CYFIP2: variants seen among roughly 807,000 people sequenced by gnomAD.
The protein encoded by CYFIP2 is cytoplasmic FMR1-interacting protein 2.
In CYFIP2, 29 loss-of-function variants were observed where a neutral mutation model predicts 158.7. The ratio of observed to expected loss-of-function variants is 0.18; its 90% CI spans 0.14 to 0.25. The LOEUF (loss-of-function observed/expected upper bound fraction) is 0.25. Ranked by LOEUF, CYFIP2 falls within the 10% of genes least tolerant of loss-of-function variation. The pLI is 1.00. For missense variants in CYFIP2, 852 were observed against 1,639.5 expected (o/e 0.52, Z 8.29); for synonymous variants, 585 against 617.6 (o/e 0.95, Z 0.78).
intron 13 of CYFIP2, 90 bp downstream of exon 13, chr5:157,315,184 G>T (rs1760039281): frequency 6.6e-7 from 1 of 1,507,706 alleles, no homozygotes; most frequent in African/African-American, 1.4e-5. Flanking sequence ...AACAGCATCG[G>T]TTGCCCTAAT....
At chr5:157,384,289 C>T (rs1239171197) in intron 28 of CYFIP2, 1 of 456,760 alleles carries the variant, frequency 2.2e-6, no homozygotes, top group East Asian at 6.9e-5. Flanking sequence ...AAGGCATGTG[C>T]TATCTCCTTT....
chr5:157,267,246 TC>T (rs1372252025), intron 1 of CYFIP2, among the ~76,000 whole-genome samples: 1 of 152,220 alleles, frequency 6.6e-6, no homozygotes, highest in African/African-American at 2.4e-5. Flanking sequence ...TTCTGCTAGT[TC>T]CTGGGTGCCT....
Position 157,304,643 on chromosome 5 carries a change from T to C in CYFIP2, c.795+277T>C, listed in dbSNP as rs560331131. On this transcript the variant is annotated intron_variant, in intron 8 of 30. Coordinates refer to ENST00000620254, the MANE Select transcript of CYFIP2 (RefSeq NM_001037333.3). The stretch of plus-strand genomic sequence containing the variant: ...TTGTCATGTAACATATCCCCTGTGG[T>C]TGGATATTTGTTTGCTAAACTTCAT... 16 of 202,214 alleles carry C rather than the reference T, an allele frequency of 7.9e-5. No homozygotes were observed. In the South Asian group the frequency reaches 3.4e-3, roughly 43 times the overall value. The allele number at this position is 202,214 out of a possible 1,614,324, so 12.5% of individuals were successfully genotyped here. A position where few individuals can be genotyped will look rare whatever the true frequency, so the allele number is the denominator to read the frequency against.
chr5:157,321,560 T>C (rs1380568032), intron 15 of CYFIP2, among the ~76,000 whole-genome samples: 1 of 152,186 alleles, frequency 6.6e-6, no homozygotes, highest in Non-Finnish European at 1.5e-5. Context: ...GGATAGGTAG[T>C]TTCTGGTAAT....
intron 23 of CYFIP2, among the ~76,000 whole-genome samples, chr5:157,344,769 G>A (rs1274918655): frequency 6.6e-6 from 1 of 152,176 alleles, no homozygotes; most frequent in Non-Finnish European, 1.5e-5. Context: ...CAGTGACATA[G>A]TAAACAGCTG....
chr5:157,351,049 C>G (rs563875774), intron 23 of CYFIP2, among the ~76,000 whole-genome samples: 1 of 152,026 alleles, frequency 6.6e-6, no homozygotes, highest in East Asian at 1.9e-4. Context: ...ATTTCTTTCT[C>G]TTGTCTTACT....
At chr5:157,304,101 C>A in intron 7 of CYFIP2, 137 bp from the exon 8 acceptor site, 1 of 1,108,254 alleles carries the variant, frequency 9.0e-7, no homozygotes, top group African/African-American at 1.6e-5. Context: ...AGCTGGCATG[C>A]AGCCTCGCCT....
chr5:157,297,230 C>T (rs57169290), intron 5 of CYFIP2, among the ~76,000 whole-genome samples: 1,753 of 152,198 alleles, frequency 0.012, 38 homozygotes, highest in African/African-American at 0.039. Context: ...AGGCTGAGGC[C>T]GGAAGGAGCT....
At chr5:157,392,625 T>G (rs557018929) in intron 30 of CYFIP2, among the ~76,000 whole-genome samples, 20 of 152,350 alleles carry the variant, frequency 1.3e-4, no homozygotes, top group Non-Finnish European at 2.5e-4. Flanking sequence ...TTATTGTAGC[T>G]CTGTAGATCG....
At chr5:157,318,813 G>T (rs913448851) in intron 13 of CYFIP2, among the ~76,000 whole-genome samples, 2 of 152,160 alleles carry the variant, frequency 1.3e-5, no homozygotes, top group Non-Finnish European at 2.9e-5. Flanking sequence ...TGAGGTGGAC[G>T]ATCTGCCACA....
intron 20 of CYFIP2, among the ~76,000 whole-genome samples, chr5:157,332,417 G>C (rs939491534): frequency 6.6e-6 from 1 of 152,140 alleles, no homozygotes; most frequent in African/African-American, 2.4e-5. Flanking sequence ...TTAACTATTT[G>C]AGAGTTTAAG....
chr5:157,359,260 T>C, intron 24 of CYFIP2, 112 bp downstream of exon 24: 2 of 1,264,790 alleles, frequency 1.6e-6, no homozygotes, highest in Non-Finnish European at 2.2e-6. Flanking sequence ...GCACTGCAGC[T>C]CTACCTGTAG....
chr5:157,306,674 A>G (rs555463214), intron 8 of CYFIP2, among the ~76,000 whole-genome samples: 11 of 152,238 alleles, frequency 7.2e-5, no homozygotes, highest in South Asian at 2.1e-4. Flanking sequence ...TGAGCCCAAG[A>G]GTTTGAGACC....
At chr5:157,288,905 C>T (rs1454579374) in intron 3 of CYFIP2, among the ~76,000 whole-genome samples, 3 of 152,136 alleles carry the variant, frequency 2.0e-5, no homozygotes, top group African/African-American at 7.2e-5. Flanking sequence ...TCAGAGAAAG[C>T]TTGATGTAGG....
intron 21 of CYFIP2, among the ~76,000 whole-genome samples, chr5:157,337,099 T>G (rs903299994): frequency 6.6e-6 from 1 of 152,208 alleles, no homozygotes; most frequent in African/African-American, 2.4e-5. Flanking sequence ...CTCAGTGATC[T>G]TAGAAATAAA....
rs1174417313 is a variant in CYFIP2 at position 157,326,215 on chromosome 5, A to G, written c.2027A>G (p.Tyr676Cys). The G allele has an allele frequency of 6.2e-7, 1 of 1,614,014 alleles. No individual in the cohort carries two copies. The highest frequency in any genetic ancestry group is 1.1e-5 in the South Asian group (1 of 91,086). Residue 676 changes from tyrosine to cysteine, a missense_variant, in exon 18 of 31, where the codon TAT becomes TGT. Around this residue, in one of 8 missense-constraint regions of CYFIP2, gnomAD observed 167 missense variants for 343.3 expected, o/e 0.49. Coordinates refer to ENST00000620254, the MANE Select transcript of CYFIP2 (RefSeq NM_001037333.3). ...PLDLYNDSAY[Y>C]ALTKFKKQFL... ...GATCTGTACAACGACAGCGCCTACT[A>G]TGCTCTGACCAAGTTTAAAAAGCAG...
chr5:157,296,072 A>C (rs1758233339), intron 4 of CYFIP2, among the ~76,000 whole-genome samples: 1 of 152,216 alleles, frequency 6.6e-6, no homozygotes, highest in South Asian at 2.1e-4. Context: ...CTTGCAGATA[A>C]ATGTGAACAT....
At chr5:157,316,308 G>A (rs991917817) in intron 13 of CYFIP2, among the ~76,000 whole-genome samples, 4 of 151,888 alleles carry the variant, frequency 2.6e-5, no homozygotes, top group Non-Finnish European at 5.9e-5. Context: ...GTCTAAATAC[G>A]TATATCAACA....
At chr5:157,352,161 T>G (rs927267711) in intron 23 of CYFIP2, among the ~76,000 whole-genome samples, 2 of 152,230 alleles carry the variant, frequency 1.3e-5, no homozygotes, top group African/African-American at 4.8e-5. Context: ...ATTCATTCAA[T>G]TATTCCAATA....
Sources: gnomAD v4.1 joint callset for allele counts (sites outside exome capture counted in the v4.1 genomes callset) on GRCh38, gnomAD v4.1.1 for gene constraint, gnomAD v4.1.1 regional missense constraint, MANE v1.5 for transcripts, NCBI Gene and HGNC (gene_info 2026-07-23, HGNC 2026-07-21) for gene names.